MACROD1: variants seen among roughly 807,000 people sequenced by gnomAD.
The protein encoded by MACROD1 is ADP-ribose glycohydrolase MACROD1.
Under a neutral mutation model 41.4 loss-of-function variants are expected in MACROD1, and 31 were observed. That is an observed-to-expected ratio of 0.75 (90% CI 0.56 to 1.01). The LOEUF (loss-of-function observed/expected upper bound fraction) is 1.01, where lower values mean the gene tolerates loss of function less well. Among genes scored for constraint, MACROD1 ranks in the 50% least tolerant of loss-of-function variants. The pLI, the probability that MACROD1 is intolerant of heterozygous loss-of-function variation, is 0.00. For synonymous variants in MACROD1, 252 were observed against 203.4 expected (o/e 1.24, Z -2.03); for missense variants, 473 against 460.0 (o/e 1.03, Z -0.26).
intron 3 of MACROD1, among the ~76,000 whole-genome samples, chr11:64,112,843 T>C (rs1944887039): frequency 6.6e-6 from 1 of 152,156 alleles, no homozygotes; most frequent in South Asian, 2.1e-4. Flanking sequence ...TTGATGACTG[T>C]GGTGGCTGCC....
intron 3 of MACROD1, among the ~76,000 whole-genome samples, chr11:64,128,449 G>A (rs1428862793): frequency 2.0e-5 from 3 of 152,176 alleles, no homozygotes. Context: ...GCCTAGCCTG[G>A]GTGGGGCTGG....
intron 1 of MACROD1, among the ~76,000 whole-genome samples, chr11:64,157,026 C>T (rs1565264536): frequency 3.9e-5 from 6 of 152,216 alleles, no homozygotes; most frequent in African/African-American, 1.2e-4. Flanking sequence ...CCGCCAGGCC[C>T]CTCTTTGTTC....
intron 1 of MACROD1, among the ~76,000 whole-genome samples, chr11:64,164,159 T>C (rs1945798886): frequency 6.6e-6 from 1 of 152,206 alleles, no homozygotes; most frequent in Non-Finnish European, 1.5e-5. Flanking sequence ...GCAGGGCCCT[T>C]GCCTATCTGA....
intron 4 of MACROD1, among the ~76,000 whole-genome samples, chr11:64,013,957 C>T (rs1943047608): frequency 6.6e-6 from 1 of 152,134 alleles, no homozygotes; most frequent in Non-Finnish European, 1.5e-5. Flanking sequence ...ACAGGCACTC[C>T]TCATCAAGCT....
At chr11:64,115,537 A>G (rs1944961750) in intron 3 of MACROD1, among the ~76,000 whole-genome samples, 1 of 152,222 alleles carries the variant, frequency 6.6e-6, no homozygotes, top group Non-Finnish European at 1.5e-5. Context: ...TTGACACCTC[A>G]TTCTTCTGTC....
intron 3 of MACROD1, chr11:64,118,366 T>C (rs930328080): frequency 6.2e-6 from 9 of 1,463,310 alleles, no homozygotes; most frequent in Non-Finnish European, 7.3e-6. Flanking sequence ...CCCAGCCTGC[T>C]GCAATCCAAG....
chr11:64,040,788 G>A (rs937578443), intron 3 of MACROD1, among the ~76,000 whole-genome samples: 3 of 152,154 alleles, frequency 2.0e-5, no homozygotes, highest in African/African-American at 7.2e-5. Flanking sequence ...GCAGGCAGAG[G>A]GAGAAGGGAG....
chr11:64,114,548 C>G (rs1399447373), intron 3 of MACROD1, among the ~76,000 whole-genome samples: 3 of 136,078 alleles, frequency 2.2e-5, no homozygotes, highest in Admixed American at 7.1e-5. Flanking sequence ...TGGATTGATG[C>G]ATGGATGGAT....
At chr11:64,022,867 ATT>A (rs922794608) in intron 3 of MACROD1, among the ~76,000 whole-genome samples, 78 of 90,758 alleles carry the variant, frequency 8.6e-4, no homozygotes, top group Middle Eastern at 7.2e-3. Context: ...TTCCACATGG[ATT>A]TTTTTTTTTT....
chr11:64,144,978 C>T (rs181319614), intron 3 of MACROD1, among the ~76,000 whole-genome samples: 5 of 152,306 alleles, frequency 3.3e-5, no homozygotes, highest in Admixed American at 2.0e-4. Flanking sequence ...GACGCAGGGG[C>T]GGGTGGCCGC....
chr11:64,042,877 C>T (rs994368734), intron 3 of MACROD1, among the ~76,000 whole-genome samples: 2 of 152,208 alleles, frequency 1.3e-5, no homozygotes, highest in African/African-American at 4.8e-5. Flanking sequence ...TTTCCAGGGG[C>T]TTCTGGCTTG....
intron 3 of MACROD1, among the ~76,000 whole-genome samples, chr11:64,022,635 T>C (rs1943173134): frequency 6.6e-6 from 1 of 152,198 alleles, no homozygotes; most frequent in Admixed American, 6.5e-5. Context: ...ATTTTGAAGA[T>C]AAAATAAGAG....
intron 3 of MACROD1, among the ~76,000 whole-genome samples, chr11:64,088,153 A>G (rs1419302341): frequency 1.3e-5 from 2 of 152,168 alleles, no homozygotes; most frequent in Non-Finnish European, 2.9e-5. Context: ...CTGCAAAAAT[A>G]AAGTTGAACC....
At chr11:64,042,667 C>T (rs1026520473) in intron 3 of MACROD1, among the ~76,000 whole-genome samples, 1 of 152,150 alleles carries the variant, frequency 6.6e-6, no homozygotes, top group South Asian at 2.1e-4. Flanking sequence ...GTCTACCGGT[C>T]CCAGGGAGAT....
chr11:64,083,479 T>C (rs975173190), intron 3 of MACROD1, among the ~76,000 whole-genome samples: 4 of 152,188 alleles, frequency 2.6e-5, no homozygotes, highest in African/African-American at 9.7e-5. Flanking sequence ...TGGCAGGATT[T>C]GAACCCCAGC....
chr11:64,117,906 C>T (rs781414347), intron 3 of MACROD1: 2 of 1,613,894 alleles, frequency 1.2e-6, no homozygotes, highest in Admixed American at 1.7e-5. Context: ...GAACGCTGGC[C>T]CCATGGCGAG....
intron 3 of MACROD1, among the ~76,000 whole-genome samples, chr11:64,097,359 T>C (rs367601046): frequency 6.6e-6 from 1 of 152,096 alleles, no homozygotes; most frequent in South Asian, 2.1e-4. Flanking sequence ...GCTGCCCACA[T>C]GTGAAGGGAA....
intron 3 of MACROD1, chr11:64,083,088 CA>C (rs35720856): frequency 0.51 from 77,247 of 152,174 alleles, 23,557 homozygotes; most frequent in Non-Finnish European, 0.68. Flanking sequence ...AACTGAGGCT[CA>C]GGGGGGCAAA....
chr11:64,045,195 C>T (rs487895), intron 3 of MACROD1, among the ~76,000 whole-genome samples: 1,716 of 150,516 alleles, frequency 0.011, 30 homozygotes, highest in African/African-American at 0.039. Context: ...AGCTGGGCCT[C>T]GCTGCCCGCT....
Sources: gnomAD v4.1 joint callset for allele counts (sites outside exome capture counted in the v4.1 genomes callset) on GRCh38, gnomAD v4.1.1 for gene constraint, MANE v1.5 for transcripts, NCBI Gene and HGNC (gene_info 2026-07-23, HGNC 2026-07-21) for gene names.